The following KIAA0232 variants were observed in gnomAD, a reference collection of about 807,000 sequenced individuals.
KIAA0232 encodes the protein KIAA0232.
A neutral mutation model predicts 122.0 loss-of-function variants in KIAA0232; 27 were observed. The observed-to-expected ratio is 0.22, with a 90% CI of 0.16 to 0.31. KIAA0232 has a LOEUF of 0.31. KIAA0232 is among the 10% of genes least tolerant of loss of function. KIAA0232 has a pLI of 1.00. For missense variants in KIAA0232, 1,551 were observed against 1,634.2 expected (o/e 0.95, Z 0.88); for synonymous variants, 613 against 587.6 (o/e 1.04, Z -0.63).
chr4:6,795,554 G>A (rs1192179713), intron 1 of KIAA0232, among the ~76,000 whole-genome samples: 1 of 152,030 alleles, frequency 6.6e-6, no homozygotes, highest in Non-Finnish European at 1.5e-5. Flanking sequence ...ACATATTAAA[G>A]TTAATTTCAC....
At chr4:6,836,824 T>G (rs920011309) in intron 3 of KIAA0232, among the ~76,000 whole-genome samples, 3 of 151,824 alleles carry the variant, frequency 2.0e-5, no homozygotes, top group Admixed American at 6.5e-5. Flanking sequence ...ATTTAACCCT[T>G]AGTGGACACA....
At chr4:6,783,168 GC>G (rs1192534791) in intron 1 of KIAA0232, among the ~76,000 whole-genome samples, 1 of 151,842 alleles carries the variant, frequency 6.6e-6, no homozygotes, top group Non-Finnish European at 1.5e-5. Flanking sequence ...GGGAGACCGG[GC>G]CGCTGTTGAT....
chr4:6,845,249 G>A (rs1719889276), intron 4 of KIAA0232, among the ~76,000 whole-genome samples: 1 of 152,246 alleles, frequency 6.6e-6, no homozygotes, highest in East Asian at 1.9e-4. Context: ...TGGTGAGGGG[G>A]CAGGGCTGCC....
At chr4:6,802,307 G>A (rs763268865) in intron 1 of KIAA0232, among the ~76,000 whole-genome samples, 2 of 152,152 alleles carry the variant, frequency 1.3e-5, no homozygotes, top group Admixed American at 6.5e-5. Flanking sequence ...GCAAGATGTC[G>A]GGTGAGGCAG....
chr4:6,873,385 A>T (rs189725800), intron 8 of KIAA0232, among the ~76,000 whole-genome samples: 1 of 152,358 alleles, frequency 6.6e-6, no homozygotes, highest in African/African-American at 2.4e-5. Context: ...ATGTGTGTCC[A>T]GTCTGGTAAA....
intron 1 of KIAA0232, among the ~76,000 whole-genome samples, chr4:6,786,650 T>C (rs1716632527): frequency 6.6e-6 from 1 of 152,204 alleles, no homozygotes; most frequent in Non-Finnish European, 1.5e-5. Flanking sequence ...CACAACAACA[T>C]TAGAAATGTA....
chr4:6,837,697 C>T (rs1009317370), intron 3 of KIAA0232, among the ~76,000 whole-genome samples: 6 of 152,352 alleles, frequency 3.9e-5, no homozygotes, highest in Admixed American at 2.0e-4. Context: ...AGATCACTCG[C>T]GGTCAGAAGC....
At chr4:6,826,934 A>C (rs184582196) in intron 3 of KIAA0232, among the ~76,000 whole-genome samples, 182 of 152,206 alleles carry the variant, frequency 1.2e-3, no homozygotes, top group African/African-American at 4.1e-3. Context: ...TACTAACTCT[A>C]GGGGGTTGTG....
intron 8 of KIAA0232, 106 bp from the exon 9 acceptor site, chr4:6,876,554 T>G: frequency 1.3e-6 from 1 of 787,568 alleles, no homozygotes; most frequent in East Asian, 2.7e-5. Flanking sequence ...ACCTAACTGA[T>G]GTAGCTTTTT....
intron 4 of KIAA0232, among the ~76,000 whole-genome samples, 187 bp from the exon 5 acceptor site, chr4:6,856,977 G>A (rs911732921): frequency 6.6e-6 from 1 of 152,144 alleles, no homozygotes; most frequent in Non-Finnish European, 1.5e-5. Flanking sequence ...TTAGTAATAA[G>A]CATGTATACC....
At position 6,824,460 on chromosome 4, in the gene KIAA0232, C is replaced by T; in HGVS notation, c.7C>T (p.Pro3Ser). 6.2e-7 allele frequency: 1 copy of T among 1,612,934 alleles called. No individual in the cohort carries two copies. The highest frequency in any genetic ancestry group is 2.2e-5 in the East Asian group (1 of 44,874). Residue 3 changes from proline to serine, a missense_variant, in exon 3 of 10, where the codon CCT (proline) becomes TCT (serine). By Grantham distance (74) the Pro-to-Ser change is moderately conservative (BLOSUM62 -1). Coordinates refer to ENST00000307659, the MANE Select transcript of KIAA0232 (RefSeq NM_014743.3). ...ATGTCGGCAACCTAAATTCATGTAC[C>T]CTATCTGTACAGTTGTTGTGGATGG... MY[P>S]ICTVVVDGLP...
rs1229447894 is a variant in KIAA0232 at position 6,882,906 on chromosome 4, A to G, written c.*1940A>G. 1 of 152,600 alleles carries G rather than the reference A, an allele frequency of 6.6e-6. No individual in the cohort carries two copies. The highest frequency in any genetic ancestry group is 1.5e-5 in the Non-Finnish European group (1 of 68,040). The allele number at this position is 152,600 out of a possible 1,614,324, so 9.5% of individuals were successfully genotyped here. A position where few individuals can be genotyped will look rare whatever the true frequency, so the allele number is the denominator to read the frequency against. On this transcript the variant is annotated 3_prime_UTR_variant, in exon 10 of 10. Coordinates refer to ENST00000307659, the MANE Select transcript of KIAA0232 (RefSeq NM_014743.3). The stretch of plus-strand genomic sequence containing the variant: ...TAAATAGATTTCAGACACAACCTTG[A>G]GCACAGTTGATTTTGGACAGCTGCT...
intron 2 of KIAA0232, among the ~76,000 whole-genome samples, chr4:6,814,278 A>T (rs1718016611): frequency 6.6e-6 from 1 of 152,094 alleles, no homozygotes; most frequent in East Asian, 1.9e-4. Flanking sequence ...CTGTCATATT[A>T]GAACTTTGTT....
chr4:6,842,156 A>T lies in KIAA0232; in HGVS notation c.321A>T (p.Glu107Asp), dbSNP rs758988467. The part of the protein sequence containing the change: ...KKKCSDLTLE[E>D]MKKQAAVQCL... ...AATGTTCAGATCTAACTCTAGAAGA[A>T]ATGAAAAAACAGGCTGCTGTCCAGT... The change falls in exon 4 of 10, where the codon GAA becomes GAT. Residue 107 changes from glutamate to aspartate, a missense_variant. Physicochemically the swap from Glu to Asp is conservative, Grantham distance 45 (BLOSUM62 2). This residue lies in a region of KIAA0232 where 377 missense variants were observed against 381.7 expected (regional missense o/e 0.99). Transcript: ENST00000307659. 1 of 1,610,660 alleles carries T rather than the reference A, an allele frequency of 6.2e-7. No homozygotes were observed. Among genetic ancestry groups the T allele is most frequent in the Non-Finnish European group, 8.5e-7 (1 of 1,179,062 alleles).
At chr4:6,879,874 A>ACC (rs1560215861) in intron 9 of KIAA0232, among the ~76,000 whole-genome samples, 2,795 of 133,544 alleles carry the variant, frequency 0.021, 458 homozygotes, top group Non-Finnish European at 0.026. Context: ...TTCCCAACAC[A>ACC]CAGGTCTGCA....
intron 1 of KIAA0232, among the ~76,000 whole-genome samples, chr4:6,797,761 C>A (rs1301090081): frequency 7.2e-6 from 1 of 137,994 alleles, no homozygotes; most frequent in Non-Finnish European, 1.6e-5. Flanking sequence ...CAGAGCCAGA[C>A]CCTGCCTCTC....
intron 6 of KIAA0232, 68 bp from the exon 7 acceptor site, chr4:6,860,833 T>C (rs1720811674): frequency 1.5e-6 from 2 of 1,296,248 alleles, no homozygotes; most frequent in Non-Finnish European, 2.2e-6. Flanking sequence ...TTCTGGTTGG[T>C]AATGTTGTTT....
intron 2 of KIAA0232, among the ~76,000 whole-genome samples, chr4:6,816,529 G>A (rs1386931495): frequency 3.3e-5 from 5 of 152,046 alleles, no homozygotes; most frequent in Admixed American, 6.6e-5. Context: ...TGATCCACCC[G>A]CCTCGGCCTC....
intron 1 of KIAA0232, among the ~76,000 whole-genome samples, chr4:6,792,861 T>C (rs1285440025): frequency 6.6e-6 from 1 of 151,954 alleles, no homozygotes; most frequent in Non-Finnish European, 1.5e-5. Flanking sequence ...GGCTAATGTT[T>C]TTGTATTTTT....
Sources: allele counts gnomAD v4.1 joint callset (sites outside exome capture counted in the v4.1 genomes callset), GRCh38; gene constraint gnomAD v4.1.1; regional missense constraint gnomAD v4.1.1; transcripts MANE v1.5; gene names NCBI Gene and HGNC (gene_info 2026-07-23, HGNC 2026-07-21).